Variants in LYN observed in about 807,000 individuals in gnomAD.
LYN encodes LYN proto-oncogene, Src family tyrosine kinase, also known as tyrosine-protein kinase Lyn.
A neutral mutation model predicts 65.0 loss-of-function variants in LYN; 12 were observed. The ratio of observed to expected loss-of-function variants is 0.18; its 90% CI spans 0.12 to 0.30. The LOEUF is 0.30. Ranked by LOEUF, LYN falls within the 10% of genes least tolerant of loss-of-function variation. LYN has a pLI of 1.00. For missense variants in LYN, 380 were observed against 623.2 expected, an observed-to-expected ratio of 0.61 and a Z score of 4.16; for synonymous variants, 222 against 221.2, an observed-to-expected ratio of 1.00 and a Z score of -0.03.
intron 1 of LYN, among the ~76,000 whole-genome samples, chr8:55,920,485 T>A (rs1306281442): frequency 5.3e-5 from 8 of 152,316 alleles, no homozygotes; most frequent in Non-Finnish European, 1.2e-4. Context: ...TGAGAGAGCA[T>A]TTAACATATG....
intron 10 of LYN, among the ~76,000 whole-genome samples, chr8:55,979,863 G>A (rs1030457785): frequency 3.9e-5 from 6 of 152,196 alleles, no homozygotes; most frequent in Non-Finnish European, 8.8e-5. Context: ...GGCTGCCAGA[G>A]GGCCGCCCAC....
At chr8:55,920,906 A>G (rs1459729891) in intron 1 of LYN, among the ~76,000 whole-genome samples, 2 of 152,090 alleles carry the variant, frequency 1.3e-5, no homozygotes, top group Non-Finnish European at 2.9e-5. Context: ...CATGTTGGCT[A>G]GGCTGGTCTT....
chr8:55,994,473 T>G (rs1003288021), intron 10 of LYN, among the ~76,000 whole-genome samples: 25 of 152,212 alleles, frequency 1.6e-4, no homozygotes, highest in Admixed American at 1.2e-3. Context: ...CACTCAGATT[T>G]ATGCAAATGC....
intron 3 of LYN, among the ~76,000 whole-genome samples, chr8:55,947,249 CAAA>C (rs1024015305): frequency 3.9e-5 from 6 of 152,208 alleles, no homozygotes; most frequent in African/African-American, 1.4e-4. Flanking sequence ...GACTCCGTCT[CAAA>C]AGAGAAAAAC....
chr8:55,938,105 T>C (rs927527278), intron 1 of LYN, among the ~76,000 whole-genome samples: 4 of 152,234 alleles, frequency 2.6e-5, no homozygotes, highest in African/African-American at 9.6e-5. Flanking sequence ...TGAATGAGGA[T>C]GAGCCACCCC....
intron 10 of LYN, among the ~76,000 whole-genome samples, chr8:55,978,200 A>G (rs1350243007): frequency 6.6e-6 from 1 of 152,196 alleles, no homozygotes; most frequent in African/African-American, 2.4e-5. Context: ...TCGACTGAGC[A>G]TTTCAGCAGG....
chr8:55,901,259 C>A lies in LYN; in HGVS notation c.-6+21156C>A, dbSNP rs1000865536. Among the ~76,000 whole-genome samples, 4 of 152,284 alleles carry A rather than the reference C, an allele frequency of 2.6e-5. No homozygotes were observed. The East Asian group carries it at 7.7e-4, about 29-fold the overall frequency. On this transcript the variant is annotated intron_variant, in intron 1 of 12. Coordinates refer to ENST00000519728, the MANE Select transcript of LYN (RefSeq NM_002350.4). The stretch of plus-strand genomic sequence containing the variant: ...TTACAAAATGGGTAAGACTTCACCT[C>A]GTCCTTTAAAACAGGAAAATTGATA...
Position 56,010,113 on chromosome 8 carries a change from C to G in LYN, c.*3C>G. On this transcript the variant is annotated 3_prime_UTR_variant, in exon 13 of 13. Transcript: ENST00000519728. ...GGCAATACCAGCAGCAGCCTTAGAG[C>G]ACAGGGAGACCCGTCCATTTGGCAG... 1 of 1,614,036 alleles carries G rather than the reference C, an allele frequency of 6.2e-7. No individual in the cohort carries two copies. The highest frequency in any genetic ancestry group is 1.1e-5 in the South Asian group (1 of 91,056).
At chr8:55,987,045 TTTC>T (rs1429728535) in intron 10 of LYN, among the ~76,000 whole-genome samples, 3 of 152,182 alleles carry the variant, frequency 2.0e-5, no homozygotes, top group Non-Finnish European at 4.4e-5. Flanking sequence ...ATTATCTGAC[TTTC>T]TTATTTCTTT....
At chr8:56,001,972 G>GA (rs1179840977) in intron 12 of LYN, among the ~76,000 whole-genome samples, 3 of 152,204 alleles carry the variant, frequency 2.0e-5, no homozygotes, top group East Asian at 1.9e-4. Context: ...TATTTGGGGT[G>GA]AAAAATCATT....
intron 1 of LYN, among the ~76,000 whole-genome samples, chr8:55,912,910 A>C (rs1805681099): frequency 6.7e-6 from 1 of 148,668 alleles, no homozygotes; most frequent in Admixed American, 6.6e-5. Flanking sequence ...ATTCCCCTTT[A>C]CTTTACTTTT....
At chr8:55,897,071 G>A (rs1158521755) in intron 1 of LYN, among the ~76,000 whole-genome samples, 1 of 152,092 alleles carries the variant, frequency 6.6e-6, no homozygotes, top group Non-Finnish European at 1.5e-5. Context: ...GGAAATAACT[G>A]CAATGGAATG....
intron 1 of LYN, among the ~76,000 whole-genome samples, chr8:55,926,836 T>C (rs1215015907): frequency 6.6e-6 from 1 of 152,238 alleles, no homozygotes; most frequent in Non-Finnish European, 1.5e-5. Flanking sequence ...AAAAAATTAA[T>C]AGACTTTATT....
Position 55,947,521 on chromosome 8 carries a change from C to T in LYN, c.179-97C>T, listed in dbSNP as rs1806813970. The T allele has an allele frequency of 7.1e-6, 6 of 848,204 alleles. No individual in the cohort carries two copies. The South Asian group carries it at 7.2e-5, about 10-fold the overall frequency. The allele number at this position is 848,204 out of a possible 1,614,324, so 52.5% of individuals were successfully genotyped here. A position where few individuals can be genotyped will look rare whatever the true frequency, so the allele number is the denominator to read the frequency against. On this transcript the variant is annotated intron_variant, in intron 3 of 12. Transcript: ENST00000519728. ...CACATGTCCTTCTTCCAGTTGCCCC[C>T]TCTTAGTGCTTCCTCTCATCCTTTG...
In LYN at chr8:55,905,410, AAAAAAAAAG is replaced by A. The variant is rs1420445310; in HGVS notation, c.-6+25311_-6+25319del. 8.9e-3 allele frequency among the ~76,000 whole-genome samples: 108 copies of A among 12,090 alleles called. 1 individual carries two copies. In the Middle Eastern group the frequency reaches 0.094, roughly 10 times the overall value. The allele number at this position is 12,090 out of a possible 152,430, so 7.9% of individuals were successfully genotyped here. A position where few individuals can be genotyped will look rare whatever the true frequency, so the allele number is the denominator to read the frequency against. On this transcript the variant is annotated intron_variant, in intron 1 of 12. Transcript: ENST00000519728. The stretch of plus-strand genomic sequence containing the variant: ...GGCAACAAGAGTGAAACTCCGTCTC[AAAAAAAAAG>A]AAAGAAAGAAAGAAAGAAAGAAAGA...
intron 10 of LYN, among the ~76,000 whole-genome samples, chr8:55,996,782 A>G (rs1808381040): frequency 1.3e-5 from 2 of 151,914 alleles, no homozygotes; most frequent in African/African-American, 2.4e-5. Context: ...TTGCCTCCCT[A>G]TGTTATTGTT....
chr8:55,884,790 G>A (rs1804745817), intron 1 of LYN, among the ~76,000 whole-genome samples: 1 of 152,278 alleles, frequency 6.6e-6, no homozygotes, highest in East Asian at 1.9e-4. Context: ...AAATACTTGG[G>A]ATGATGTATT....
intron 8 of LYN, among the ~76,000 whole-genome samples, chr8:55,956,533 C>T (rs1371084270): frequency 6.6e-6 from 1 of 152,128 alleles, no homozygotes; most frequent in East Asian, 1.9e-4. Flanking sequence ...TCCGTGGCAA[C>T]TTTTTACTCC....
chr8:55,930,700 C>T (rs1423709421), intron 1 of LYN, among the ~76,000 whole-genome samples: 1 of 152,146 alleles, frequency 6.6e-6, no homozygotes, highest in East Asian at 1.9e-4. Context: ...AATGGGGATG[C>T]GGCACGTGGT....
Sources: gnomAD v4.1 joint callset for allele counts (sites outside exome capture counted in the v4.1 genomes callset) on GRCh38, gnomAD v4.1.1 for gene constraint, MANE v1.5 for transcripts, NCBI Gene and HGNC (gene_info 2026-07-23, HGNC 2026-07-21) for gene names.